Variants in LIFR observed in about 807,000 individuals in gnomAD.
LIFR encodes the protein LIF receptor subunit alpha, also known as leukemia inhibitory factor receptor.
LIFR carries 84 observed loss-of-function variants against 122.2 expected under a neutral mutation model. The ratio of observed to expected loss-of-function variants is 0.69; its 90% CI spans 0.58 to 0.82. The LOEUF (loss-of-function observed/expected upper bound fraction) is 0.82. LIFR is among the 40% of genes least tolerant of loss of function. The probability of loss-of-function intolerance (pLI) is 0.00; values close to 1 mark genes in which losing one functional copy is unlikely to be tolerated. For synonymous variants in LIFR, 422 were observed against 434.7 expected (o/e 0.97, Z 0.36); for missense variants, 1,294 against 1,311.6 (o/e 0.99, Z 0.21).
intron 1 of LIFR, among the ~76,000 whole-genome samples, chr5:38,539,299 T>C (rs973075192): frequency 2.0e-5 from 3 of 152,184 alleles, no homozygotes; most frequent in African/African-American, 7.2e-5. Flanking sequence ...CACAGTGCTC[T>C]GTTTATGCTC....
chr5:38,546,455 T>C (rs559680622), intron 1 of LIFR, among the ~76,000 whole-genome samples: 1 of 152,218 alleles, frequency 6.6e-6, no homozygotes. Context: ...TTGTCAATAT[T>C]GCAAAATGGA....
chr5:38,570,757 T>G (rs1749183012), intron 1 of LIFR, among the ~76,000 whole-genome samples: 1 of 152,212 alleles, frequency 6.6e-6, no homozygotes, highest in African/African-American at 2.4e-5. Context: ...TCAGCATGTA[T>G]AATTCAGACA....
At chr5:38,483,129 G>T (rs982846802) in intron 18 of LIFR, among the ~76,000 whole-genome samples, 5 of 152,140 alleles carry the variant, frequency 3.3e-5, no homozygotes, top group African/African-American at 1.2e-4. Context: ...AATGAGATTT[G>T]CCTTTACCGA....
chr5:38,534,090 G>A (rs557421420), intron 1 of LIFR, among the ~76,000 whole-genome samples: 3 of 152,300 alleles, frequency 2.0e-5, no homozygotes, highest in Admixed American at 1.3e-4. Context: ...CAATCACACA[G>A]GCAGTAAACA....
chr5:38,572,488 T>A (rs1289561842), intron 1 of LIFR, among the ~76,000 whole-genome samples: 1 of 152,030 alleles, frequency 6.6e-6, no homozygotes, highest in Non-Finnish European at 1.5e-5. Context: ...CAACATGAGG[T>A]TTGGGTGGGG....
Position 38,517,843 on chromosome 5 carries a change from C to A in LIFR, c.561+5576G>T, listed in dbSNP as rs1444585436. ...CTGCACTCCAGCATGTGCAACAGAG[C>A]AAGACACTGTCTCAAAAAAAAAAAA... On this transcript the variant is annotated intron_variant, in intron 5 of 19. Coordinates refer to ENST00000453190, the MANE Select transcript of LIFR (RefSeq NM_001127671.2). Among the ~76,000 whole-genome samples, 4 of 39,850 alleles carry A rather than the reference C, an allele frequency of 1.0e-4. No homozygotes were observed. In the East Asian group the frequency reaches 4.6e-3, roughly 46 times the overall value. 26.1% of individuals were successfully genotyped at this position (39,850 alleles called of 152,430 possible). A position where few individuals can be genotyped will look rare whatever the true frequency, so the allele number is the denominator to read the frequency against.
intron 1 of LIFR, chr5:38,555,150 A>C (rs1250340899): frequency 6.6e-6 from 1 of 152,224 alleles, no homozygotes; most frequent in Non-Finnish European, 1.5e-5. Context: ...CCCGACTATA[A>C]AGCATAAAGT....
chr5:38,570,645 A>C (rs1488220646), intron 1 of LIFR, among the ~76,000 whole-genome samples: 1 of 152,248 alleles, frequency 6.6e-6, no homozygotes, highest in Non-Finnish European at 1.5e-5. Flanking sequence ...GAGTTCACCT[A>C]TCGCAGGAGA....
At chr5:38,492,993 C>T (rs1180574933) in intron 14 of LIFR, among the ~76,000 whole-genome samples, 1 of 152,216 alleles carries the variant, frequency 6.6e-6, no homozygotes, top group East Asian at 1.9e-4. Context: ...TAGAGGGACA[C>T]TCACCGGCAG....
chr5:38,593,857 A>G (rs1750012430), intron 1 of LIFR, among the ~76,000 whole-genome samples: 1 of 152,202 alleles, frequency 6.6e-6, no homozygotes, highest in Non-Finnish European at 1.5e-5. Flanking sequence ...GGTGCTCACC[A>G]GGCTCTGATT....
At chr5:38,583,332 T>G (rs1248111653) in intron 1 of LIFR, among the ~76,000 whole-genome samples, 1 of 152,230 alleles carries the variant, frequency 6.6e-6, no homozygotes, top group Non-Finnish European at 1.5e-5. Flanking sequence ...ATTTTCACTT[T>G]CATATATAAG....
At chr5:38,503,543 T>C (rs927878871) in intron 10 of LIFR, among the ~76,000 whole-genome samples, 1 of 151,860 alleles carries the variant, frequency 6.6e-6, no homozygotes, top group Non-Finnish European at 1.5e-5. Context: ...TAGTATAATA[T>C]AAAAGTCAAC....
chr5:38,581,853 CTCGCACAGTA>C (rs1372470434), intron 1 of LIFR, among the ~76,000 whole-genome samples: 1 of 152,136 alleles, frequency 6.6e-6, no homozygotes, highest in African/African-American at 2.4e-5. Flanking sequence ...ATAATGTGAT[CTCGCACAGTA>C]TCCTATATTT....
intron 16 of LIFR, among the ~76,000 whole-genome samples, 160 bp from the exon 17 acceptor site, chr5:38,486,140 C>A (rs557679586): frequency 2.0e-5 from 3 of 152,282 alleles, no homozygotes; most frequent in South Asian, 4.1e-4. Context: ...GCTCTACCCC[C>A]ACGCCAGTCA....
rs1743839360 is a variant in LIFR, at chr5:38,478,756, C to T, written c.*2839G>A. Reference sequence around the variant, plus strand: ...GTAAGAGAGGTAAAAATGTGTCTTACATGAATTACTATCCCACAGATATGA... The same window carrying T: ...GTAAGAGAGGTAAAAATGTGTCTTATATGAATTACTATCCCACAGATATGA... On this transcript the variant is annotated 3_prime_UTR_variant, in exon 20 of 20. Coordinates refer to ENST00000453190, the MANE Select transcript of LIFR (RefSeq NM_001127671.2). 2 of 217,308 alleles carry T rather than the reference C, an allele frequency of 9.2e-6. No homozygotes were observed. Among genetic ancestry groups the T allele is most frequent in the African/African-American group, 2.2e-5 (1 of 44,450 alleles). The allele number at this position is 217,308 out of a possible 1,614,324, so 13.5% of individuals were successfully genotyped here.
upstream of LIFR, among the ~76,000 whole-genome samples, chr5:38,560,025 A>G (rs941454813): frequency 6.6e-6 from 1 of 152,244 alleles, no homozygotes; most frequent in Non-Finnish European, 1.5e-5. Flanking sequence ...TCACAGAAAC[A>G]GCAACCTTGA....
chr5:38,542,271 T>C (rs977354777), intron 1 of LIFR, among the ~76,000 whole-genome samples: 1 of 152,226 alleles, frequency 6.6e-6, no homozygotes, highest in Non-Finnish European at 1.5e-5. Flanking sequence ...GGGTAAGGCA[T>C]CAATAAATCT....
chr5:38,557,307 T>C (rs762560862), upstream of LIFR: 2 of 152,296 alleles, frequency 1.3e-5, no homozygotes, highest in Non-Finnish European at 2.9e-5. Flanking sequence ...GATCTCTTAA[T>C]GGGGTGAGAT....
At chr5:38,568,611 T>C (rs1749106096) in intron 1 of LIFR, among the ~76,000 whole-genome samples, 1 of 152,194 alleles carries the variant, frequency 6.6e-6, no homozygotes, top group African/African-American at 2.4e-5. Context: ...ACTGAGGGGC[T>C]GAGTAGGGAG....
Sources: allele counts gnomAD v4.1 joint callset (sites outside exome capture counted in the v4.1 genomes callset), GRCh38; gene constraint gnomAD v4.1.1; transcripts MANE v1.5; gene names NCBI Gene and HGNC (gene_info 2026-07-23, HGNC 2026-07-21).